UBR2: variants seen among roughly 807,000 people sequenced by gnomAD.
The protein encoded by UBR2 is E3 ubiquitin-protein ligase UBR2.
UBR2 carries 92 observed loss-of-function variants against 247.9 expected under a neutral mutation model. The ratio of observed to expected loss-of-function variants is 0.37; its 90% CI spans 0.31 to 0.44. UBR2 has a LOEUF of 0.44. UBR2 is among the 20% of genes least tolerant of loss of function. The pLI is 1.00. For missense variants in UBR2, 1,613 were observed against 2,112.6 expected (o/e 0.76, Z 4.64); for synonymous variants, 672 against 693.5 (o/e 0.97, Z 0.49).
chr6:42,657,990 T>A (rs1312164556), intron 26 of UBR2, 34 bp from the exon 27 acceptor site: 1 of 1,484,588 alleles, frequency 6.7e-7, no homozygotes. Context: ...AAGTATTAGC[T>A]ATTGTTATTG....
chr6:42,593,042 C>T (rs1440031843), intron 3 of UBR2, among the ~76,000 whole-genome samples: 4 of 152,076 alleles, frequency 2.6e-5, no homozygotes, highest in South Asian at 2.1e-4. Context: ...GACATGGTGG[C>T]GCATGTCTGT....
At chr6:42,604,406 C>CT (rs1326734117) in intron 5 of UBR2, among the ~76,000 whole-genome samples, 9 of 152,174 alleles carry the variant, frequency 5.9e-5, no homozygotes, top group African/African-American at 2.2e-4. Flanking sequence ...GGTGCTGTTT[C>CT]TTTTTTGCTT....
At chr6:42,642,054 A>G (rs1257839828) in intron 17 of UBR2, among the ~76,000 whole-genome samples, 1 of 152,148 alleles carries the variant, frequency 6.6e-6, no homozygotes, top group Non-Finnish European at 1.5e-5. Flanking sequence ...GACCTCACAT[A>G]GGCTTGGAAT....
At chr6:42,615,256 G>A in intron 9 of UBR2, 78 bp downstream of exon 9, 1 of 1,118,604 alleles carries the variant, frequency 8.9e-7, no homozygotes, top group Non-Finnish European at 1.3e-6. Context: ...TATCATTTGG[G>A]AAGATATTTA....
At chr6:42,660,251 G>A (rs1324033155) in intron 30 of UBR2, among the ~76,000 whole-genome samples, 1 of 152,178 alleles carries the variant, frequency 6.6e-6, no homozygotes, top group Non-Finnish European at 1.5e-5. Context: ...AGTTACCTAT[G>A]TAAGAGGCAA....
In UBR2 at chr6:42,644,302, A is replaced by T; in HGVS notation, c.2186A>T (p.Tyr729Phe). The T allele has an allele frequency of 1.2e-6, 2 of 1,613,548 alleles. No homozygotes were observed. The highest frequency in any genetic ancestry group is 1.3e-5 in the African/African-American group (1 of 75,012). Residue 729 changes from tyrosine (Y) to phenylalanine (F), a missense_variant, in exon 19 of 47, where the codon TAT (tyrosine) becomes TTT (phenylalanine). Coordinates refer to ENST00000372901, the MANE Select transcript of UBR2 (RefSeq NM_001363705.2). ...ELYQIFSTPD[Y>F]GKRFSSEITH... ...TATCAGATTTTCAGTACTCCAGACT[A>T]TGGAAAAAGATTTAGTTCTGAGATT... is the stretch of plus-strand genomic sequence containing the variant.
chr6:42,570,513 G>A (rs1285321136), intron 1 of UBR2, among the ~76,000 whole-genome samples: 6 of 152,008 alleles, frequency 3.9e-5, no homozygotes, highest in African/African-American at 9.7e-5. Context: ...GATTATAGGC[G>A]TGAGCCACTG....
At chr6:42,680,387 G>A (rs1798970096) in intron 42 of UBR2, among the ~76,000 whole-genome samples, 1 of 152,172 alleles carries the variant, frequency 6.6e-6, no homozygotes, top group South Asian at 2.1e-4. Context: ...AATAGTGGTA[G>A]AAATGTTGAT....
intron 40 of UBR2, among the ~76,000 whole-genome samples, chr6:42,677,491 A>G (rs1418621538): frequency 6.6e-6 from 1 of 152,150 alleles, no homozygotes; most frequent in Non-Finnish European, 1.5e-5. Context: ...AAAGATGGAC[A>G]CTCCAGCCAG....
intron 7 of UBR2, among the ~76,000 whole-genome samples, chr6:42,608,939 TC>T (rs1793890676): frequency 6.6e-6 from 1 of 152,208 alleles, no homozygotes; most frequent in Non-Finnish European, 1.5e-5. Flanking sequence ...AAGAAATTCT[TC>T]CTTAATGTCT....
chr6:42,564,301 GGGA>G lies in UBR2; in HGVS notation c.-8_-6del, dbSNP rs773109755. ...AGCTCTCCGGGCGGCGGTAGCGCTG[GGGA>G]GGAGGAGGAGAGAAGATGGCGTCGG... On this transcript the variant is annotated 5_prime_UTR_variant, in exon 1 of 47. Coordinates refer to ENST00000372901, the MANE Select transcript of UBR2 (RefSeq NM_001363705.2). The G allele has an allele frequency of 3.7e-6, 6 of 1,603,754 alleles. 1 individual carries two copies. Among genetic ancestry groups the G allele is most frequent in the Admixed American group, 3.4e-5 (2 of 58,006 alleles).
At chr6:42,682,908 A>G (rs1799137120) in intron 42 of UBR2, 147 bp from the exon 43 acceptor site, 2 of 642,166 alleles carry the variant, frequency 3.1e-6, no homozygotes, top group Admixed American at 3.4e-5. Context: ...TTGTAGGCAA[A>G]ATAGTATTTC....
intron 4 of UBR2, among the ~76,000 whole-genome samples, chr6:42,596,219 G>A (rs1340867311): frequency 6.6e-6 from 1 of 150,516 alleles, no homozygotes; most frequent in Non-Finnish European, 1.5e-5. Flanking sequence ...TTTTTACAGA[G>A]AAGATATATG....
intron 13 of UBR2, among the ~76,000 whole-genome samples, chr6:42,633,388 T>G (rs972455161): frequency 2.0e-5 from 3 of 151,976 alleles, no homozygotes; most frequent in Non-Finnish European, 4.4e-5. Context: ...GTGTTGGTTT[T>G]TTTTGTTTTG....
intron 2 of UBR2, among the ~76,000 whole-genome samples, chr6:42,586,538 C>CTTTTTTTTTTTTTTTTTTT (rs147830824): frequency 3.1e-5 from 3 of 97,258 alleles, no homozygotes; most frequent in Non-Finnish European, 5.8e-5. Flanking sequence ...GTTTGTCTCT[C>CTTTTTTTTTTTTTTTTTTT]TTTTTTTTTT....
At chr6:42,655,364 G>A (rs571629247) in intron 25 of UBR2, among the ~76,000 whole-genome samples, 6 of 151,398 alleles carry the variant, frequency 4.0e-5, no homozygotes, top group Admixed American at 1.3e-4. Flanking sequence ...TGTAGTCCCA[G>A]CTACTCGGGA....
intron 2 of UBR2, among the ~76,000 whole-genome samples, chr6:42,575,563 C>T (rs1413802002): frequency 6.6e-6 from 1 of 152,150 alleles, no homozygotes; most frequent in Non-Finnish European, 1.5e-5. Context: ...CTGTGACTTT[C>T]ATGATCTTGA....
chr6:42,617,133 T>C (rs1794608394), intron 10 of UBR2: 1 of 889,198 alleles, frequency 1.1e-6, no homozygotes, highest in Non-Finnish European at 1.8e-6. Flanking sequence ...GTTATTGTTC[T>C]CATAGCAGTG....
chr6:42,640,343 C>T (rs1796348248), intron 16 of UBR2, 73 bp downstream of exon 16: 1 of 1,379,810 alleles, frequency 7.2e-7, no homozygotes, highest in Non-Finnish European at 1.0e-6. Context: ...CTTTGAAACA[C>T]ATTTTTAGTT....
Sources: allele counts gnomAD v4.1 joint callset (sites outside exome capture counted in the v4.1 genomes callset), GRCh38; gene constraint gnomAD v4.1.1; transcripts MANE v1.5; gene names NCBI Gene and HGNC (gene_info 2026-07-23, HGNC 2026-07-21).